The following RNLS variants were observed in gnomAD, a reference collection of about 807,000 sequenced individuals.
RNLS encodes the protein renalase, FAD dependent amine oxidase, also known as renalase.
In RNLS, 39 loss-of-function variants were observed where a neutral mutation model predicts 39.8. That is an observed-to-expected ratio of 0.98 (90% CI 0.76 to 1.28). The LOEUF (loss-of-function observed/expected upper bound fraction) is 1.28, where lower values mean the gene tolerates loss of function less well. Among genes scored for constraint, RNLS ranks in the 50% most tolerant of loss-of-function variants. RNLS has a pLI of 0.00. For synonymous variants in RNLS, 147 were observed against 150.7 expected (o/e 0.98, Z 0.18); for missense variants, 410 against 413.3 (o/e 0.99, Z 0.07).
intron 4 of RNLS, among the ~76,000 whole-genome samples, chr10:88,494,153 G>A (rs1845041174): frequency 6.6e-6 from 1 of 152,122 alleles, no homozygotes; most frequent in Non-Finnish European, 1.5e-5. Flanking sequence ...AAGAGTTGAG[G>A]ATATTCAGAT....
chr10:88,499,235 T>C (rs970968113), intron 4 of RNLS, among the ~76,000 whole-genome samples: 1 of 152,164 alleles, frequency 6.6e-6, no homozygotes, highest in Admixed American at 6.6e-5. Flanking sequence ...ATTCTCTACC[T>C]TCCTTACTTA....
At chr10:88,264,305 T>C in the RNLS span, among the ~76,000 whole-genome samples, 5 of 152,202 alleles carry the variant, frequency 3.3e-5, no homozygotes, top group African/African-American at 7.2e-5. Context: ...ATCTTTTTCA[T>C]ATAATGACTT....
the RNLS span, among the ~76,000 whole-genome samples, chr10:88,200,495 A>C: frequency 1.3e-5 from 2 of 152,208 alleles, no homozygotes; most frequent in African/African-American, 4.8e-5. Context: ...TCATGACTCT[A>C]CCACATTGCT....
chr10:88,229,698 C>A, the RNLS span, among the ~76,000 whole-genome samples: 3 of 152,186 alleles, frequency 2.0e-5, no homozygotes, highest in Non-Finnish European at 2.9e-5. Flanking sequence ...CTCTGGCAAC[C>A]ATTAATACAC....
At chr10:88,450,411 T>C (rs1344902531) in intron 4 of RNLS, among the ~76,000 whole-genome samples, 2 of 152,170 alleles carry the variant, frequency 1.3e-5, no homozygotes, top group African/African-American at 2.4e-5. Context: ...TCAGGGCAGA[T>C]GAATCTCAGG....
intron 4 of RNLS, among the ~76,000 whole-genome samples, chr10:88,515,825 T>C (rs1186605602): frequency 6.6e-6 from 1 of 151,956 alleles, no homozygotes; most frequent in African/African-American, 2.4e-5. Flanking sequence ...CTGAATTGTG[T>C]CTCCCTTAAG....
intron 4 of RNLS, among the ~76,000 whole-genome samples, chr10:88,556,169 C>G (rs186481212): frequency 6.6e-6 from 1 of 152,238 alleles, no homozygotes; most frequent in East Asian, 1.9e-4. Context: ...TGCAATTATT[C>G]AATCCCAAAA....
chr10:88,553,973 A>G (rs912321285), intron 4 of RNLS, among the ~76,000 whole-genome samples: 1 of 152,152 alleles, frequency 6.6e-6, no homozygotes, highest in African/African-American at 2.4e-5. Context: ...AGAGTTCACA[A>G]TTTCTAAAGA....
chr10:88,182,607 A>C, the RNLS span, among the ~76,000 whole-genome samples: 1 of 152,140 alleles, frequency 6.6e-6, no homozygotes, highest in African/African-American at 2.4e-5. Context: ...CGTTACACTT[A>C]ATTTACAAAA....
the RNLS span, among the ~76,000 whole-genome samples, chr10:88,199,763 C>T: frequency 6.6e-6 from 1 of 152,300 alleles, no homozygotes; most frequent in East Asian, 1.9e-4. Flanking sequence ...ATGACCTAAA[C>T]AAGACGAAGT....
chr10:88,377,675 T>C (rs369360256), intron 4 of RNLS, among the ~76,000 whole-genome samples: 2 of 152,188 alleles, frequency 1.3e-5, no homozygotes, highest in South Asian at 4.1e-4. Flanking sequence ...TAGATAGAGA[T>C]TGCAAGATGA....
intron 3 of RNLS, among the ~76,000 whole-genome samples, chr10:88,580,180 C>T (rs2134494998): frequency 6.6e-6 from 1 of 152,282 alleles, no homozygotes; most frequent in South Asian, 2.1e-4. Flanking sequence ...GAGCCAATTC[C>T]TTATAATAAA....
At chr10:88,546,455 T>G (rs542935110) in intron 4 of RNLS, among the ~76,000 whole-genome samples, 2 of 152,254 alleles carry the variant, frequency 1.3e-5, no homozygotes, top group Non-Finnish European at 2.9e-5. Context: ...CTCTGAAAAG[T>G]TAATACAAAG....
At chr10:88,364,334 A>G (rs1226576651) in intron 4 of RNLS, among the ~76,000 whole-genome samples, 1 of 152,202 alleles carries the variant, frequency 6.6e-6, no homozygotes, top group Non-Finnish European at 1.5e-5. Flanking sequence ...GAGGCAGGAA[A>G]GGGATTCAAT....
At chr10:88,198,188 T>C in the RNLS span, among the ~76,000 whole-genome samples, 1 of 152,128 alleles carries the variant, frequency 6.6e-6, no homozygotes, top group African/African-American at 2.4e-5. Flanking sequence ...CTGACCACCT[T>C]AGTCATTGCA....
chr10:88,473,755 T>C (rs546162884), intron 4 of RNLS, among the ~76,000 whole-genome samples: 1 of 152,270 alleles, frequency 6.6e-6, no homozygotes, highest in East Asian at 1.9e-4. Context: ...AAAAATGAAG[T>C]TTCAGAGGAA....
At chr10:88,219,181 G>T in the RNLS span, among the ~76,000 whole-genome samples, 4 of 152,080 alleles carry the variant, frequency 2.6e-5, no homozygotes, top group South Asian at 2.1e-4. Flanking sequence ...TTGAGTAAAT[G>T]GTTACATAAC....
chr10:88,548,690 A>T (rs1210981463), intron 4 of RNLS, among the ~76,000 whole-genome samples: 2 of 148,036 alleles, frequency 1.4e-5, no homozygotes, highest in African/African-American at 4.9e-5. Flanking sequence ...ACATTTATAT[A>T]TAATATATAT....
At chr10:88,352,877 A>ATT (rs1848837247) in intron 5 of RNLS, among the ~76,000 whole-genome samples, 1 of 152,034 alleles carries the variant, frequency 6.6e-6, no homozygotes. Context: ...TCAATTTCAG[A>ATT]GCCTGTTATT....
Sources: allele counts gnomAD v4.1 joint callset (sites outside exome capture counted in the v4.1 genomes callset), GRCh38; gene constraint gnomAD v4.1.1; transcripts MANE v1.5; gene names NCBI Gene and HGNC (gene_info 2026-07-23, HGNC 2026-07-21).